The following NUDT5 variants were observed in gnomAD, a reference collection of about 807,000 sequenced individuals.
The protein encoded by NUDT5 is nudix hydrolase 5, also known as ADP-sugar pyrophosphatase.
NUDT5 carries 21 observed loss-of-function variants against 34.1 expected under a neutral mutation model. That is an observed-to-expected ratio of 0.62 (90% CI 0.44 to 0.89). The LOEUF (loss-of-function observed/expected upper bound fraction) is 0.89, where lower values mean the gene tolerates loss of function less well. Among genes scored for constraint, NUDT5 ranks in the 40% least tolerant of loss-of-function variants. NUDT5 has a pLI of 0.00. For synonymous variants in NUDT5, 85 were observed against 97.6 expected (o/e 0.87, Z 0.76); for missense variants, 249 against 274.8 (o/e 0.91, Z 0.66).
intron 5 of NUDT5, among the ~76,000 whole-genome samples, chr10:12,176,653 A>C (rs1404962387): frequency 6.6e-6 from 1 of 152,210 alleles, no homozygotes; most frequent in East Asian, 1.9e-4. Context: ...GATGAGATTT[A>C]ATCTCTTTAG....
chr10:12,179,281 A>G (rs1835007644), intron 3 of NUDT5, 149 bp from the exon 4 acceptor site: 3 of 619,738 alleles, frequency 4.8e-6, no homozygotes, highest in Non-Finnish European at 8.4e-6. Flanking sequence ...AAACGTCTGC[A>G]TTAAAGAAGC....
At position 12,182,921 on chromosome 10, in the gene NUDT5, G is replaced by A. The variant is rs1222999338; in HGVS notation, c.131+1968C>T. ...TGGGCTAATTTTTGTATTTTTAGTA[G>A]AGACGGGGTTTCACAATGTTGGCCA... On this transcript the variant is annotated intron_variant, in intron 3 of 9. Coordinates refer to ENST00000491614, the MANE Select transcript of NUDT5 (RefSeq NM_014142.4). The surrounding 1 kb of genome is among the most constrained non-coding windows in gnomAD (Gnocchi z 4.3). Among the ~76,000 whole-genome samples the A allele has an allele frequency of 6.6e-6, 1 of 152,150 alleles. No individual in the cohort carries two copies. Among genetic ancestry groups the A allele is most frequent in the Non-Finnish European group, 1.5e-5 (1 of 68,030 alleles).
chr10:12,188,836 C>T (rs890138750), intron 1 of NUDT5, among the ~76,000 whole-genome samples: 3 of 150,592 alleles, frequency 2.0e-5, no homozygotes, highest in East Asian at 2.0e-4. Flanking sequence ...AGGAAGAACA[C>T]AAAATTTATG....
rs191666085 is a variant in NUDT5, at chr10:12,181,396, T to G, written c.132-2264A>C. ...AGTGACAGCTGTACAGGTTGAGTATTCCTTACCCGAAACGAGGGGCCGGAA... is the reference window on the plus strand; with the variant it reads ...AGTGACAGCTGTACAGGTTGAGTATGCCTTACCCGAAACGAGGGGCCGGAA... On this transcript the variant is annotated intron_variant, in intron 3 of 9. Transcript: ENST00000491614. The surrounding 1 kb of genome is among the most constrained non-coding windows in gnomAD (Gnocchi z 5.0). 6.6e-6 allele frequency among the ~76,000 whole-genome samples: 1 copy of G among 152,324 alleles called. No individual in the cohort carries two copies. The highest frequency in any genetic ancestry group is 2.4e-5 in the African/African-American group (1 of 41,568).
intron 3 of NUDT5, among the ~76,000 whole-genome samples, chr10:12,183,826 C>T (rs1056239611): frequency 6.6e-6 from 1 of 152,138 alleles, no homozygotes; most frequent in African/African-American, 2.4e-5. Flanking sequence ...TACTTTTCTA[C>T]TTTGTTATCA....
intron 1 of NUDT5, among the ~76,000 whole-genome samples, chr10:12,189,468 A>G (rs1835185909): frequency 6.6e-6 from 1 of 152,206 alleles, no homozygotes; most frequent in South Asian, 2.1e-4. Flanking sequence ...TCGTGCAGCA[A>G]TCCACTGATT....
rs899160190 is a variant in NUDT5 at position 12,182,723 on chromosome 10, G to A, written c.131+2166C>T. On this transcript the variant is annotated intron_variant, in intron 3 of 9. Transcript: ENST00000491614. The surrounding 1 kb of genome is among the most constrained non-coding windows in gnomAD (Gnocchi z 4.3). ...GTCAGGCGAAGAGATGAGCTGGCGC[G>A]AACACATCTTTTTATTTTATTTTTA... 8.6e-5 allele frequency among the ~76,000 whole-genome samples: 13 copies of A among 152,032 alleles called. No individual in the cohort carries two copies. Among genetic ancestry groups the A allele is most frequent in the African/African-American group, 2.7e-4 (11 of 41,392 alleles).
chr10:12,172,269 ATTAC>A (rs1297543944), intron 7 of NUDT5, among the ~76,000 whole-genome samples: 4 of 152,112 alleles, frequency 2.6e-5, no homozygotes, highest in East Asian at 1.9e-4. Flanking sequence ...CCCGTTAACA[ATTAC>A]TTAGGCCATT....
intron 2 of NUDT5, among the ~76,000 whole-genome samples, chr10:12,185,285 G>C (rs1311434991): frequency 6.6e-6 from 1 of 152,168 alleles, no homozygotes; most frequent in African/African-American, 2.4e-5. Flanking sequence ...AGGGTGTCCT[G>C]GGACGCTCCT....
chr10:12,174,318 G>C (rs927567331), intron 5 of NUDT5, among the ~76,000 whole-genome samples: 5 of 150,686 alleles, frequency 3.3e-5, no homozygotes, highest in African/African-American at 1.2e-4. Flanking sequence ...CCAGGCTGGA[G>C]TGCAGTGGTG....
At chr10:12,192,228 A>G (rs749318517) in intron 1 of NUDT5, among the ~76,000 whole-genome samples, 1 of 151,730 alleles carries the variant, frequency 6.6e-6, no homozygotes, top group Admixed American at 6.6e-5. Context: ...CGCTTGAACG[A>G]GGGAGGTGGA....
Position 12,171,389 on chromosome 10 carries a change from T to C in NUDT5, c.488-481A>G, listed in dbSNP as rs867539535. Among the ~76,000 whole-genome samples, 25 of 152,210 alleles carry C rather than the reference T, an allele frequency of 1.6e-4. No homozygotes were observed. Among genetic ancestry groups the C allele is most frequent in the African/African-American group, 5.3e-4 (22 of 41,466 alleles). Reference sequence around the variant, plus strand: ...TGTCTATTCTGGGCACCCAGATACGTAGAATCAGAGTATTTGCCCATCATG... The same window carrying C: ...TGTCTATTCTGGGCACCCAGATACGCAGAATCAGAGTATTTGCCCATCATG... On this transcript the variant is annotated intron_variant, in intron 7 of 9. Transcript: ENST00000491614. The surrounding 1 kb of genome is among the most constrained non-coding windows in gnomAD (Gnocchi z 4.2).
At chr10:12,191,579 T>C (rs971778801) in intron 1 of NUDT5, among the ~76,000 whole-genome samples, 1 of 152,114 alleles carries the variant, frequency 6.6e-6, no homozygotes, top group Non-Finnish European at 1.5e-5. Context: ...AAATTACTGT[T>C]GTGATATGAG....
chr10:12,193,200 T>C (rs1588664377), intron 1 of NUDT5, among the ~76,000 whole-genome samples: 1 of 152,154 alleles, frequency 6.6e-6, no homozygotes, highest in South Asian at 2.1e-4. Flanking sequence ...GTGGTAGCCG[T>C]GGCAAAGTGA....
At chr10:12,179,032 C>T (rs757128774) in intron 4 of NUDT5, 51 bp downstream of exon 4, 1 of 1,476,692 alleles carries the variant, frequency 6.8e-7, no homozygotes, top group South Asian at 1.1e-5. Context: ...CTCTTACGAT[C>T]ACAAGTGCTA....
At chr10:12,183,017 G>A (rs549617934) in intron 3 of NUDT5, among the ~76,000 whole-genome samples, 11 of 152,324 alleles carry the variant, frequency 7.2e-5, no homozygotes, top group Non-Finnish European at 1.6e-4. Flanking sequence ...GATTACAGGC[G>A]TGAGCCACTG....
Position 12,170,769 on chromosome 10 carries a change from C to A in NUDT5, c.498G>T (p.Glu166Asp). Reference sequence around the variant, plus strand: ...TGGGTAAAGAAATGACTTCCACAAACTCTAAACAGACAAAGTGCAAGTGAA... The same window carrying A: ...TGGGTAAAGAAATGACTTCCACAAAATCTAAACAGACAAAGTGCAAGTGAA... Reference protein sequence around the residue: ...ARPKPKPGDGEFVEVISLPKN... With the variant: ...ARPKPKPGDGDFVEVISLPKN... The change falls in exon 9 of 10, where the codon GAG becomes GAT. Residue 166 changes from glutamate to aspartate, a missense_variant and splice_region_variant. Glu to Asp is a conservative substitution (Grantham distance 45). Coordinates refer to ENST00000491614, the MANE Select transcript of NUDT5 (RefSeq NM_014142.4). The surrounding 1 kb of genome is among the most constrained non-coding windows in gnomAD (Gnocchi z 4.9). The A allele has an allele frequency of 6.2e-7, 1 of 1,614,142 alleles. No individual in the cohort carries two copies. Among genetic ancestry groups the A allele is most frequent in the Non-Finnish European group, 8.5e-7 (1 of 1,180,012 alleles).
rs1361532487 is a variant in NUDT5 at position 12,166,628 on chromosome 10, G to A, written c.*1074C>T. On this transcript the variant is annotated 3_prime_UTR_variant, in exon 10 of 10. Transcript: ENST00000491614. Reference sequence around the variant, plus strand: ...CCTTTCATATGGTTCTCAGGGCCTGGCTTACCCGCTGGAGCCAGGCTAGAA... The same window carrying A: ...CCTTTCATATGGTTCTCAGGGCCTGACTTACCCGCTGGAGCCAGGCTAGAA... 2 of 437,588 alleles carry A rather than the reference G, an allele frequency of 4.6e-6. No individual in the cohort carries two copies. Among genetic ancestry groups the A allele is most frequent in the African/African-American group, 2.1e-5 (1 of 48,400 alleles). The allele number at this position is 437,588 out of a possible 1,614,324, so 27.1% of individuals were successfully genotyped here.
At chr10:12,178,940 C>T (rs980487787) in intron 4 of NUDT5, 143 bp downstream of exon 4, 32 of 691,492 alleles carry the variant, frequency 4.6e-5, no homozygotes, top group African/African-American at 7.3e-5. Flanking sequence ...AGCTTAATTT[C>T]GTTACATAGT....
Sources: gnomAD v4.1 joint callset for allele counts (sites outside exome capture counted in the v4.1 genomes callset) on GRCh38, gnomAD v4.1.1 for gene constraint, Gnocchi (gnomAD v3.1) non-coding constraint, MANE v1.5 for transcripts, NCBI Gene and HGNC (gene_info 2026-07-23, HGNC 2026-07-21) for gene names.